GALNT14: variants seen among roughly 807,000 people sequenced by gnomAD.
The protein encoded by GALNT14 is UDP-GalNAc:polypeptide N-acetylgalactosaminyltransferase 14.
In GALNT14, 60 loss-of-function variants were observed where a neutral mutation model predicts 77.5. That is an observed-to-expected ratio of 0.77 (90% CI 0.63 to 0.96). The LOEUF (loss-of-function observed/expected upper bound fraction) is 0.96. Among genes scored for constraint, GALNT14 ranks in the 40% least tolerant of loss-of-function variants. The pLI is 0.00. For synonymous variants in GALNT14, 280 were observed against 281.7 expected (o/e 0.99, Z 0.06); for missense variants, 710 against 731.0 (o/e 0.97, Z 0.33).
intron 2 of GALNT14, among the ~76,000 whole-genome samples, chr2:30,972,287 CAGTT>C (rs915236816): frequency 2.6e-5 from 4 of 152,114 alleles, no homozygotes; most frequent in Admixed American, 6.5e-5. Flanking sequence ...AGTCTGAAGA[CAGTT>C]AGAGAATGGG....
At chr2:31,057,014 C>T (rs1380591538) in intron 1 of GALNT14, among the ~76,000 whole-genome samples, 4 of 152,088 alleles carry the variant, frequency 2.6e-5, no homozygotes, top group East Asian at 3.9e-4. Context: ...TTAACCTCAG[C>T]GAATTAACAC....
chr2:30,894,066 A>G, the GALNT14 span, among the ~76,000 whole-genome samples: 2 of 152,160 alleles, frequency 1.3e-5, no homozygotes, highest in South Asian at 4.1e-4. Context: ...AGGAAAGAGA[A>G]GAGGGGCCTG....
chr2:31,053,401 C>T (rs1674013532), intron 1 of GALNT14, among the ~76,000 whole-genome samples: 1 of 152,134 alleles, frequency 6.6e-6, no homozygotes, highest in Non-Finnish European at 1.5e-5. Flanking sequence ...GTGAACACCT[C>T]ACCCAAGTAA....
chr2:31,038,696 T>C (rs1573218330), intron 1 of GALNT14, among the ~76,000 whole-genome samples: 1 of 152,012 alleles, frequency 6.6e-6, no homozygotes, highest in East Asian at 1.9e-4. Context: ...TGAATGGGAA[T>C]AGGGCAAGTT....
chr2:30,958,683 G>A (rs1418615271), intron 3 of GALNT14, among the ~76,000 whole-genome samples: 1 of 152,068 alleles, frequency 6.6e-6, no homozygotes, highest in African/African-American at 2.4e-5. Context: ...CACCCAGACA[G>A]AAGCCCAGGA....
chr2:30,955,824 CA>C, intron 5 of GALNT14, 85 bp from the exon 6 acceptor site: 15 of 1,608,526 alleles, frequency 9.3e-6, no homozygotes, highest in Admixed American at 1.7e-5. Flanking sequence ...CAGCATTCCC[CA>C]CTGATCACCC....
chr2:31,057,158 G>A lies in GALNT14; in HGVS notation c.130-64151C>T, dbSNP rs866833126. 4.6e-5 allele frequency among the ~76,000 whole-genome samples: 7 copies of A among 151,804 alleles called. No individual in the cohort carries two copies. The South Asian group carries it at 1.0e-3, about 23-fold the overall frequency. ...CAGGAGAAGGAGGGAGGGGACAAGGGTTGAAAAACTAACTATTCGGTACTA... is the reference window on the plus strand; with the variant it reads ...CAGGAGAAGGAGGGAGGGGACAAGGATTGAAAAACTAACTATTCGGTACTA... On this transcript the variant is annotated intron_variant, in intron 1 of 14. Transcript: ENST00000349752.
intron 2 of GALNT14, among the ~76,000 whole-genome samples, chr2:30,978,183 A>G (rs983579353): frequency 2.6e-5 from 4 of 151,984 alleles, no homozygotes; most frequent in Admixed American, 6.6e-5. Flanking sequence ...CTGTGTCACA[A>G]CCTCCACAAA....
chr2:30,900,317 T>G, the GALNT14 span, among the ~76,000 whole-genome samples: 3 of 152,240 alleles, frequency 2.0e-5, no homozygotes, highest in African/African-American at 7.2e-5. Context: ...GTTAGCATTT[T>G]CAGTATTAAA....
At chr2:31,027,918 G>GTGTGTGTGTGCA (rs61690434) in intron 1 of GALNT14, among the ~76,000 whole-genome samples, 1 of 151,452 alleles carries the variant, frequency 6.6e-6, no homozygotes, top group Non-Finnish European at 1.5e-5. Flanking sequence ...GTGTGTGTGT[G>GTGTGTGTGTGCA]CACGCATGCA....
chr2:31,125,155 T>C (rs1678642304), intron 1 of GALNT14: 1 of 1,548,272 alleles, frequency 6.5e-7, no homozygotes, highest in Non-Finnish European at 8.7e-7. Context: ...TCAACCTACC[T>C]GTAGGAAGAT....
chr2:31,123,514 C>T (rs1304528402), intron 1 of GALNT14, among the ~76,000 whole-genome samples: 1 of 152,166 alleles, frequency 6.6e-6, no homozygotes, highest in Non-Finnish European at 1.5e-5. Flanking sequence ...TAGTGTTATG[C>T]TTTGAAACAG....
chr2:31,126,753 C>G (rs1678724870), intron 1 of GALNT14: 1 of 152,264 alleles, frequency 6.6e-6, no homozygotes, highest in South Asian at 2.1e-4. Flanking sequence ...CAAAGTCCTA[C>G]TCGCAGTTCC....
At chr2:31,091,484 T>C (rs1413314891) in intron 1 of GALNT14, among the ~76,000 whole-genome samples, 1 of 152,252 alleles carries the variant, frequency 6.6e-6, no homozygotes, top group African/African-American at 2.4e-5. Flanking sequence ...AGATCATCTC[T>C]GTACTTGCCC....
intron 6 of GALNT14, among the ~76,000 whole-genome samples, chr2:30,952,324 G>A (rs1203590734): frequency 1.3e-5 from 2 of 151,672 alleles, no homozygotes; most frequent in Admixed American, 6.6e-5. Context: ...TGTTTATTGC[G>A]GCATTATTCA....
At position 30,992,981 on chromosome 2, in the gene GALNT14, CA is replaced by C. The variant is rs1367417026; in HGVS notation, c.155del (p.Leu52ArgfsTer11). On this transcript the variant is annotated frameshift_variant, in exon 2 of 15. Transcript: ENST00000349752. LOFTEE classifies it high-confidence loss of function. ...PKPSDADWDDLWDQFDERRYL... is the reference protein window; with the variant it reads ...PKPSDADWDDXWDQFDERRYL... The stretch of plus-strand genomic sequence containing the variant: ...ACCGCCGCTCATCAAACTGGTCCCA[CA>C]GGTCGTCCCAGTCAGCGTCCGAAGG... 32 of 1,614,044 alleles carry C rather than the reference CA, an allele frequency of 2.0e-5. No individual in the cohort carries two copies. Among genetic ancestry groups the C allele is most frequent in the Non-Finnish European group, 2.5e-5 (29 of 1,180,036 alleles).
rs755426989 is a variant in GALNT14 at position 30,932,130 on chromosome 2, C to A, written c.996G>T (p.Gly332=). Residue 332 remains glycine, a synonymous_variant, in exon 10 of 15, where the codon GGG becomes GGT. Transcript: ENST00000349752. ...SLEIVPCSRV[G]HVFRKKHPYV... ...AGGGGTGCTTCTTCCGGAAGACGTG[C>A]CCCACTCGGCTGCAGGGGACGATCT... 1.1e-5 allele frequency: 17 copies of A among 1,572,910 alleles called. No homozygotes were observed. The highest frequency in any genetic ancestry group is 1.4e-5 in the Non-Finnish European group (16 of 1,159,000).
chr2:30,888,836 T>A, the GALNT14 span, among the ~76,000 whole-genome samples: 1 of 152,192 alleles, frequency 6.6e-6, no homozygotes, highest in Non-Finnish European at 1.5e-5. Flanking sequence ...AGTCACATGA[T>A]ACCTGTGATC....
In GALNT14 at chr2:30,958,390, G is replaced by T; in HGVS notation, c.466+7C>A. The T allele has an allele frequency of 6.2e-7, 1 of 1,612,978 alleles. No individual in the cohort carries two copies. Among genetic ancestry groups the T allele is most frequent in the South Asian group, 1.1e-5 (1 of 91,002 alleles). ...TGTCTAAAGAGCAAGTGAGCAACAT[G>T]ACTTACGGTCATTGCTGAAGTCATC... On this transcript the variant is annotated splice_region_variant and intron_variant, in intron 4 of 14. Transcript: ENST00000349752.
Sources: gnomAD v4.1 joint callset for allele counts (sites outside exome capture counted in the v4.1 genomes callset) on GRCh38, gnomAD v4.1.1 for gene constraint, MANE v1.5 for transcripts, NCBI Gene and HGNC (gene_info 2026-07-23, HGNC 2026-07-21) for gene names.